The following RAB3GAP2 variants were observed in gnomAD, a reference collection of about 807,000 sequenced individuals.
The protein encoded by RAB3GAP2 is rab3 GTPase-activating protein non-catalytic subunit.
In RAB3GAP2, 87 loss-of-function variants were observed where a neutral mutation model predicts 185.3. The ratio of observed to expected loss-of-function variants is 0.47; its 90% CI spans 0.39 to 0.56. The LOEUF (loss-of-function observed/expected upper bound fraction) is 0.56, where lower values mean the gene tolerates loss of function less well. Among genes scored for constraint, RAB3GAP2 ranks in the 20% least tolerant of loss-of-function variants. The pLI is 0.00. For synonymous variants in RAB3GAP2, 554 were observed against 576.1 expected (o/e 0.96, Z 0.55); for missense variants, 1,492 against 1,638.2 (o/e 0.91, Z 1.54).
intron 1 of RAB3GAP2, among the ~76,000 whole-genome samples, chr1:220,249,741 G>A (rs1021074016): frequency 1.3e-5 from 2 of 152,126 alleles, no homozygotes; most frequent in African/African-American, 4.8e-5. Context: ...TGCAGTCTTG[G>A]GACTTGATGC....
intron 2 of RAB3GAP2, among the ~76,000 whole-genome samples, chr1:220,216,086 T>C (rs904525472): frequency 6.6e-6 from 1 of 152,118 alleles, no homozygotes; most frequent in African/African-American, 2.4e-5. Context: ...CAGGGAATCT[T>C]TAGAAATACC....
chr1:220,272,434 C>A lies in RAB3GAP2; in HGVS notation c.-97G>T. On this transcript the variant is annotated 5_prime_UTR_variant, in exon 1 of 35. Coordinates refer to ENST00000358951, the MANE Select transcript of RAB3GAP2 (RefSeq NM_012414.4). ...GCCACCGAGCCCCAATAGCTCTAGC[C>A]AAGCAGAAGGCGGAGAAACCAAACC... 1 of 790,600 alleles carries A rather than the reference C, an allele frequency of 1.3e-6. No homozygotes were observed. Among genetic ancestry groups the A allele is most frequent in the Non-Finnish European group, 2.2e-6 (1 of 458,968 alleles). The allele number at this position is 790,600 out of a possible 1,614,324, so 49.0% of individuals were successfully genotyped here. A position where few individuals can be genotyped will look rare whatever the true frequency, so the allele number is the denominator to read the frequency against.
In RAB3GAP2 at chr1:220,232,865, T is replaced by TGTTTTTAAAAACAG. The variant is rs1322991694; in HGVS notation, c.116-3_116-2insCTGTTTTTAAAAAC. 5.0e-6 allele frequency: 8 copies of TGTTTTTAAAAACAG among 1,613,376 alleles called. No homozygotes were observed. The Admixed American group carries it at 6.7e-5, about 13-fold the overall frequency. On this transcript the variant is annotated splice_region_variant and splice_polypyrimidine_tract_variant and intron_variant, in intron 1 of 34. Transcript: ENST00000358951. Reference sequence around the variant, plus strand: ...CATCTTCCCAGTCTGTTGATTTACCTGTTTTTAAAAAGATGAACAATGCTT... The same window carrying TGTTTTTAAAAACAG: ...CATCTTCCCAGTCTGTTGATTTACCTGTTTTTAAAAACAGGTTTTTAAAAAGATGAACAATGCTT...
chr1:220,196,080 A>T, intron 10 of RAB3GAP2, 170 bp downstream of exon 10: 2 of 733,662 alleles, frequency 2.7e-6, no homozygotes, highest in South Asian at 1.8e-5. Flanking sequence ...CTTTTCAGTT[A>T]ATCTAAAGAA....
At chr1:220,199,017 G>C (rs1658788825) in intron 9 of RAB3GAP2, among the ~76,000 whole-genome samples, 1 of 150,774 alleles carries the variant, frequency 6.6e-6, no homozygotes, top group African/African-American at 2.4e-5. Context: ...TGCTTGCTGT[G>C]TCTGAGGAAC....
rs180790267 is a variant in RAB3GAP2 at position 220,171,810 on chromosome 1, C to T, written c.2577+79G>A. 5.1e-4 allele frequency: 814 copies of T among 1,586,146 alleles called. 4 individuals carry two copies. The African/African-American group carries it at 8.8e-3, about 17-fold the overall frequency. On this transcript the variant is annotated intron_variant, in intron 23 of 34. Transcript: ENST00000358951. ...CCTCTCCCCGCTCCAAAAAACCCCCCGAAAAACCCCAGAAAAGGAAAGCAT... is the reference window on the plus strand; with the variant it reads ...CCTCTCCCCGCTCCAAAAAACCCCCTGAAAAACCCCAGAAAAGGAAAGCAT...
At chr1:220,252,374 A>G (rs1169545563) in intron 1 of RAB3GAP2, among the ~76,000 whole-genome samples, 2 of 152,184 alleles carry the variant, frequency 1.3e-5, no homozygotes, top group African/African-American at 4.8e-5. Context: ...GACTGAGCAC[A>G]GAAAGTCTGA....
intron 8 of RAB3GAP2, among the ~76,000 whole-genome samples, chr1:220,202,758 C>T (rs1658886371): frequency 6.6e-6 from 1 of 152,142 alleles, no homozygotes; most frequent in African/African-American, 2.4e-5. Flanking sequence ...GCCTGGCCAA[C>T]ATGGTGAAAC....
intron 24 of RAB3GAP2, among the ~76,000 whole-genome samples, chr1:220,170,267 G>A (rs537962591): frequency 6.6e-6 from 1 of 152,270 alleles, no homozygotes; most frequent in South Asian, 2.1e-4. Flanking sequence ...GGGCCTGTGG[G>A]GGATTGCGGG....
intron 1 of RAB3GAP2, among the ~76,000 whole-genome samples, chr1:220,269,102 T>A (rs898998869): frequency 6.6e-6 from 1 of 152,200 alleles, no homozygotes; most frequent in African/African-American, 2.4e-5. Flanking sequence ...GGGGGTTGTA[T>A]TGACTACTTT....
At chr1:220,171,201 G>C in intron 23 of RAB3GAP2, 81 bp from the exon 24 acceptor site, 1 of 1,196,530 alleles carries the variant, frequency 8.4e-7, no homozygotes, top group Non-Finnish European at 1.2e-6. Flanking sequence ...CTTGAAAGCT[G>C]ATGGATACTG....
rs113503894 is a variant in RAB3GAP2, at chr1:220,201,340, T to C, written c.811+936A>G. ...AGATTACAGGTGCAAGCCACCACAC[T>C]TGACCAAGGTTACATTTTTAAGACT... On this transcript the variant is annotated intron_variant, in intron 9 of 34. Coordinates refer to ENST00000358951, the MANE Select transcript of RAB3GAP2 (RefSeq NM_012414.4). 3.5e-3 allele frequency among the ~76,000 whole-genome samples: 528 copies of C among 152,234 alleles called. 2 individuals carry two copies. The highest frequency in any genetic ancestry group is 0.012 in the African/African-American group (500 of 41,528).
At chr1:220,216,299 T>A (rs927033936) in intron 2 of RAB3GAP2, among the ~76,000 whole-genome samples, 5 of 152,234 alleles carry the variant, frequency 3.3e-5, no homozygotes, top group Non-Finnish European at 7.3e-5. Flanking sequence ...GAATTCTGTA[T>A]CTAGCTTGTT....
chr1:220,156,347 A>T (rs1657857124), intron 31 of RAB3GAP2, among the ~76,000 whole-genome samples: 1 of 152,172 alleles, frequency 6.6e-6, no homozygotes, highest in South Asian at 2.1e-4. Flanking sequence ...AAGCTAAGTA[A>T]TAATGTTGAC....
intron 9 of RAB3GAP2, among the ~76,000 whole-genome samples, chr1:220,199,200 G>A (rs937280916): frequency 2.0e-5 from 3 of 152,068 alleles, no homozygotes; most frequent in African/African-American, 7.2e-5. Context: ...TTGACAGGAG[G>A]AAATTACTCG....
chr1:220,238,573 T>C (rs970470487), intron 1 of RAB3GAP2, among the ~76,000 whole-genome samples: 2 of 152,220 alleles, frequency 1.3e-5, no homozygotes, highest in Non-Finnish European at 2.9e-5. Flanking sequence ...ACTTTTACAG[T>C]GCCTGGCACA....
intron 1 of RAB3GAP2, among the ~76,000 whole-genome samples, chr1:220,255,876 A>G (rs1197600578): frequency 6.6e-6 from 1 of 152,198 alleles, no homozygotes; most frequent in South Asian, 2.1e-4. Context: ...CATCCAGGAG[A>G]ACTTCCCCAA....
chr1:220,151,637 G>C lies in RAB3GAP2; in HGVS notation c.3995C>G (p.Pro1332Arg). 1.9e-6 allele frequency: 3 copies of C among 1,612,198 alleles called. No homozygotes were observed. Among genetic ancestry groups the C allele is most frequent in the South Asian group, 1.1e-5 (1 of 91,022 alleles). ...TTTCAGCCAAGTACACAGTGTGGGT[G>C]GAAGTCTGGCAAGCAGCTCCATTCC... ...KEGMELLARL[P>R]PTLCTWLKAM... The change falls in exon 34 of 35, where the codon CCA becomes CGA. Residue 1332 changes from proline (P) to arginine (R), a missense_variant. Pro to Arg is a moderately radical substitution (Grantham distance 103, BLOSUM62 -2). Around this residue, in one of 5 missense-constraint regions of RAB3GAP2, gnomAD observed 387 missense variants for 455.3 expected, o/e 0.85. Transcript: ENST00000358951.
At chr1:220,245,312 C>A (rs1659782827) in intron 1 of RAB3GAP2, among the ~76,000 whole-genome samples, 1 of 152,196 alleles carries the variant, frequency 6.6e-6, no homozygotes, top group East Asian at 1.9e-4. Context: ...TGGGTGCGCG[C>A]ACCATGCGCG....
Sources: allele counts gnomAD v4.1 joint callset (sites outside exome capture counted in the v4.1 genomes callset), GRCh38; gene constraint gnomAD v4.1.1; regional missense constraint gnomAD v4.1.1; transcripts MANE v1.5; gene names NCBI Gene and HGNC (gene_info 2026-07-23, HGNC 2026-07-21).